Variants in PLA2R1 observed in about 807,000 individuals in gnomAD.
The protein encoded by PLA2R1 is phospholipase A2 receptor 1.
A neutral mutation model predicts 195.9 loss-of-function variants in PLA2R1; 158 were observed. That is an observed-to-expected ratio of 0.81 (90% CI 0.71 to 0.92). The LOEUF is 0.92. PLA2R1 is among the 40% of genes least tolerant of loss of function. The probability of loss-of-function intolerance (pLI) is 0.00; values close to 1 mark genes in which losing one functional copy is unlikely to be tolerated. For synonymous variants in PLA2R1, 586 were observed against 598.2 expected, an observed-to-expected ratio of 0.98 and a Z score of 0.30; for missense variants, 1,626 against 1,764.6, an observed-to-expected ratio of 0.92 and a Z score of 1.41.
chr2:160,046,988 T>C (rs1024469566), intron 1 of PLA2R1, among the ~76,000 whole-genome samples: 28 of 152,216 alleles, frequency 1.8e-4, no homozygotes, highest in Non-Finnish European at 2.5e-4. Flanking sequence ...AGTTCATTAA[T>C]TTTTCATTAA....
intron 1 of PLA2R1, among the ~76,000 whole-genome samples, chr2:160,049,490 T>C (rs1464188133): frequency 6.6e-6 from 1 of 152,240 alleles, no homozygotes; most frequent in East Asian, 1.9e-4. Context: ...ATATATTTGT[T>C]CTGGAATCAT....
Position 160,016,260 on chromosome 2 carries a change from T to C in PLA2R1, c.1551+354A>G, listed in dbSNP as rs1160304677. On this transcript the variant is annotated intron_variant, in intron 9 of 29. Coordinates refer to ENST00000283243, the MANE Select transcript of PLA2R1 (RefSeq NM_007366.5). ...GCCTGGGTGACAAAGCAAGACTCTG[T>C]CTCAAAAAAAAAAAAAGAAAAAGAA... 9.5e-5 allele frequency among the ~76,000 whole-genome samples: 8 copies of C among 84,402 alleles called. 1 individual carries two copies. In the South Asian group the frequency reaches 2.6e-3, roughly 27 times the overall value. The allele number at this position is 84,402 out of a possible 152,430, so 55.4% of individuals were successfully genotyped here. A position where few individuals can be genotyped will look rare whatever the true frequency, so the allele number is the denominator to read the frequency against.
intron 3 of PLA2R1, among the ~76,000 whole-genome samples, chr2:160,036,851 T>C (rs1694192279): frequency 6.6e-6 from 1 of 152,198 alleles, no homozygotes; most frequent in Admixed American, 6.5e-5. Context: ...TCTGTGCTGA[T>C]CCACTGACCC....
intron 11 of PLA2R1, among the ~76,000 whole-genome samples, chr2:159,991,948 G>A: frequency 8.5e-6 from 1 of 117,330 alleles, no homozygotes; most frequent in African/African-American, 3.2e-5. Context: ...CTTTATAGCA[G>A]CATGATTTAT....
At chr2:159,976,616 G>A in intron 16 of PLA2R1, 69 bp downstream of exon 16, 1 of 940,278 alleles carries the variant, frequency 1.1e-6, no homozygotes, top group Non-Finnish European at 1.7e-6. Context: ...CACATTAATG[G>A]TATATAATAG....
rs925431525 is a variant in PLA2R1, at chr2:159,938,430, C to T, written c.*3348G>A. 1.3e-5 allele frequency: 2 copies of T among 152,180 alleles called. No individual in the cohort carries two copies. The highest frequency in any genetic ancestry group is 2.9e-5 in the Non-Finnish European group (2 of 68,066). 9.4% of individuals were successfully genotyped at this position (152,180 alleles called of 1,614,324 possible). A position where few individuals can be genotyped will look rare whatever the true frequency, so the allele number is the denominator to read the frequency against. ...TGCTATGGCATTTCGCCTTTCTGGACGAAAAGAGTAGCTAATGGTAGCTAA... is the reference window on the plus strand; with the variant it reads ...TGCTATGGCATTTCGCCTTTCTGGATGAAAAGAGTAGCTAATGGTAGCTAA... On this transcript the variant is annotated 3_prime_UTR_variant, in exon 30 of 30. Transcript: ENST00000283243.
chr2:160,038,074 G>A (rs1190548226), intron 3 of PLA2R1, among the ~76,000 whole-genome samples: 1 of 152,186 alleles, frequency 6.6e-6, no homozygotes, highest in East Asian at 1.9e-4. Context: ...TCAAGGTCAG[G>A]CATGCATTGT....
At chr2:160,023,108 GAAGT>G (rs1226724087) in intron 6 of PLA2R1, among the ~76,000 whole-genome samples, 1 of 152,136 alleles carries the variant, frequency 6.6e-6, no homozygotes, top group African/African-American at 2.4e-5. Context: ...AAGGTACAAA[GAAGT>G]AAGGAGAGGA....
intron 13 of PLA2R1, among the ~76,000 whole-genome samples, chr2:159,980,505 T>C (rs1054564641): frequency 3.3e-5 from 5 of 152,202 alleles, no homozygotes; most frequent in African/African-American, 1.2e-4. Flanking sequence ...TCAACCACCA[T>C]CATCTTCACT....
intron 10 of PLA2R1, among the ~76,000 whole-genome samples, chr2:160,012,792 A>T (rs1692454038): frequency 6.6e-6 from 1 of 152,000 alleles, no homozygotes; most frequent in Non-Finnish European, 1.5e-5. Flanking sequence ...GGTGCCTGTA[A>T]TCCCAGCTAC....
At chr2:159,990,770 C>CTGA (rs1690717240) in intron 11 of PLA2R1, among the ~76,000 whole-genome samples, 1 of 152,158 alleles carries the variant, frequency 6.6e-6, no homozygotes, top group African/African-American at 2.4e-5. Context: ...GCATTAGTGC[C>CTGA]TGATTATGCA....
In PLA2R1 at chr2:159,977,717, C is replaced by A. The variant is rs763631252; in HGVS notation, c.2269-301G>T. ...CTTTGGGAGGCCAAGGTGGGCAGAT[C>A]ACAAGCTCAGGAGATTGAGACCATC... On this transcript the variant is annotated intron_variant, in intron 14 of 29. Coordinates refer to ENST00000283243, the MANE Select transcript of PLA2R1 (RefSeq NM_007366.5). Among the ~76,000 whole-genome samples the A allele has an allele frequency of 3.3e-5, 5 of 152,242 alleles. No individual in the cohort carries two copies. The South Asian group carries it at 1.0e-3, about 32-fold the overall frequency.
chr2:160,028,782 G>A, intron 5 of PLA2R1, 68 bp downstream of exon 5: 1 of 903,142 alleles, frequency 1.1e-6, no homozygotes, highest in Non-Finnish European at 1.9e-6. Context: ...TATGTGCATG[G>A]GAAATGCTGC....
chr2:160,028,178 T>C (rs1179302505), intron 6 of PLA2R1, 40 bp downstream of exon 6: 1 of 1,409,732 alleles, frequency 7.1e-7, no homozygotes, highest in Non-Finnish European at 9.7e-7. Context: ...AGAGGACAAG[T>C]CAACAACACC....
Position 159,939,482 on chromosome 2 carries a change from G to T in PLA2R1, c.*2296C>A, listed in dbSNP as rs1475950848. On this transcript the variant is annotated 3_prime_UTR_variant, in exon 30 of 30. Transcript: ENST00000283243. ...GATCATGCCACTGTACTCCTGCCTGGCAACAGAGCAAGACTCCATCTCCAA... is the reference window on the plus strand; with the variant it reads ...GATCATGCCACTGTACTCCTGCCTGTCAACAGAGCAAGACTCCATCTCCAA... The T allele has an allele frequency of 7.4e-6, 1 of 134,568 alleles. No homozygotes were observed. Among genetic ancestry groups the T allele is most frequent in the Non-Finnish European group, 1.5e-5 (1 of 65,194 alleles). 8.3% of individuals were successfully genotyped at this position (134,568 alleles called of 1,614,324 possible).
At chr2:160,027,637 T>C (rs1332318462) in intron 6 of PLA2R1, among the ~76,000 whole-genome samples, 1 of 152,230 alleles carries the variant, frequency 6.6e-6, no homozygotes, top group Non-Finnish European at 1.5e-5. Flanking sequence ...CTTTTATCTC[T>C]ACATTTGGAG....
intron 1 of PLA2R1, among the ~76,000 whole-genome samples, chr2:160,053,773 C>T (rs1049750211): frequency 3.9e-5 from 6 of 152,356 alleles, no homozygotes; most frequent in Non-Finnish European, 5.9e-5. Flanking sequence ...CAGCTGAGAA[C>T]CCGTCCCGGG....
At chr2:160,041,820 C>A (rs1450964479) in intron 3 of PLA2R1, among the ~76,000 whole-genome samples, 1 of 152,226 alleles carries the variant, frequency 6.6e-6, no homozygotes, top group Non-Finnish European at 1.5e-5. Flanking sequence ...ATTAACATCT[C>A]TTGAATGTAC....
chr2:159,997,210 C>G (rs1691273079), intron 11 of PLA2R1, among the ~76,000 whole-genome samples: 1 of 152,082 alleles, frequency 6.6e-6, no homozygotes, highest in African/African-American at 2.4e-5. Context: ...ACCATTAGGT[C>G]TCAGCCTTTT....
Sources: allele counts gnomAD v4.1 joint callset (sites outside exome capture counted in the v4.1 genomes callset), GRCh38; gene constraint gnomAD v4.1.1; transcripts MANE v1.5; gene names NCBI Gene and HGNC (gene_info 2026-07-23, HGNC 2026-07-21).